The following TDRP variants were observed in gnomAD, a reference collection of about 807,000 sequenced individuals.
TDRP encodes the protein testis development-related protein.
A neutral mutation model predicts 10.5 loss-of-function variants in TDRP; 12 were observed. The observed-to-expected ratio is 1.15, with a 90% CI of 0.73 to 1.86. TDRP has a LOEUF of 1.86. Among genes scored for constraint, TDRP ranks in the 40% most tolerant of loss-of-function variants. TDRP has a pLI of 0.00. For missense variants in TDRP, 353 were observed against 229.2 expected, an observed-to-expected ratio of 1.54 and a Z score of -3.49; for synonymous variants, 139 against 95.4, an observed-to-expected ratio of 1.46 and a Z score of -2.67.
intron 1 of TDRP, among the ~76,000 whole-genome samples, chr8:517,456 G>A (rs920618533): frequency 6.6e-6 from 1 of 152,064 alleles, no homozygotes; most frequent in African/African-American, 2.4e-5. Flanking sequence ...CCTCTACCTG[G>A]AAGCTTCAAG....
At chr8:530,641 C>T (rs536183703) in intron 1 of TDRP, among the ~76,000 whole-genome samples, 2 of 152,106 alleles carry the variant, frequency 1.3e-5, no homozygotes, top group Non-Finnish European at 2.9e-5. Context: ...TGTAATCTCT[C>T]GATCCCTCTG....
chr8:521,965 G>A (rs1016843607), intron 1 of TDRP, among the ~76,000 whole-genome samples: 2 of 151,854 alleles, frequency 1.3e-5, no homozygotes, highest in African/African-American at 4.8e-5. Context: ...TTTTCTTGAT[G>A]CTATTATAAG....
chr8:502,705 T>G (rs968703899), intron 1 of TDRP, among the ~76,000 whole-genome samples: 3 of 150,870 alleles, frequency 2.0e-5, no homozygotes, highest in African/African-American at 7.3e-5. Flanking sequence ...CATGCCCACC[T>G]CAGCACACAT....
intron 1 of TDRP, among the ~76,000 whole-genome samples, chr8:515,337 C>G (rs1801729436): frequency 6.6e-6 from 1 of 152,174 alleles, no homozygotes; most frequent in Admixed American, 6.5e-5. Flanking sequence ...ATACATTATG[C>G]ATGTAAAGTG....
Position 501,403 on chromosome 8 carries a change from G to C in TDRP, c.109-6806C>G, listed in dbSNP as rs562045753. 1.8e-3 allele frequency among the ~76,000 whole-genome samples: 277 copies of C among 151,914 alleles called. 3 individuals are homozygous for C. Among genetic ancestry groups the C allele is most frequent in the Non-Finnish European group, 2.4e-3 (164 of 67,970 alleles). ...TCTCTGTTGCCCAGGCTGGAGTGCAGTGGTGTGATCTTGGCTCACTGCAAC... is the reference window on the plus strand; with the variant it reads ...TCTCTGTTGCCCAGGCTGGAGTGCACTGGTGTGATCTTGGCTCACTGCAAC... On this transcript the variant is annotated intron_variant, in intron 1 of 2. Coordinates refer to ENST00000324079, the MANE Select transcript of TDRP (RefSeq NM_001384899.1).
intron 1 of TDRP, among the ~76,000 whole-genome samples, chr8:542,012 C>A (rs1011202352): frequency 6.6e-6 from 1 of 152,128 alleles, no homozygotes; most frequent in Non-Finnish European, 1.5e-5. Context: ...GTGAAAGCAA[C>A]CAACATGCCC....
At chr8:514,780 G>A (rs1159650631) in intron 1 of TDRP, among the ~76,000 whole-genome samples, 2 of 152,092 alleles carry the variant, frequency 1.3e-5, no homozygotes, top group Non-Finnish European at 2.9e-5. Context: ...CACCCGAGAA[G>A]CAACGGGAAC....
chr8:498,208 C>G (rs929349857), intron 1 of TDRP, among the ~76,000 whole-genome samples: 4 of 152,166 alleles, frequency 2.6e-5, no homozygotes, highest in Non-Finnish European at 5.9e-5. Flanking sequence ...AACCATGCAC[C>G]TGAAAAAGCC....
intron 1 of TDRP, among the ~76,000 whole-genome samples, chr8:533,808 G>A (rs1014368585): frequency 2.0e-5 from 3 of 152,096 alleles, no homozygotes; most frequent in African/African-American, 7.2e-5. Flanking sequence ...GTAGGCAGAT[G>A]TACACCGGTT....
chr8:522,090 G>A (rs752799443), intron 1 of TDRP, among the ~76,000 whole-genome samples: 6 of 152,064 alleles, frequency 3.9e-5, no homozygotes, highest in Admixed American at 1.3e-4. Context: ...ATTTGTTCAT[G>A]AGCTGTAACA....
chr8:504,331 G>C (rs770599200), intron 1 of TDRP, among the ~76,000 whole-genome samples: 1 of 152,200 alleles, frequency 6.6e-6, no homozygotes, highest in South Asian at 2.1e-4. Context: ...CAGACAGCAT[G>C]TTTTGGGTAG....
intron 1 of TDRP, among the ~76,000 whole-genome samples, chr8:501,817 C>T (rs752284875): frequency 2.6e-5 from 4 of 152,232 alleles, no homozygotes; most frequent in Admixed American, 6.5e-5. Flanking sequence ...TTATCAACCA[C>T]AGGGCACTGG....
intron 1 of TDRP, among the ~76,000 whole-genome samples, chr8:517,935 G>A (rs192959412): frequency 7.4e-4 from 112 of 152,276 alleles, no homozygotes; most frequent in African/African-American, 2.5e-3. Context: ...AAAAAGATCC[G>A]TGGTTGCAAA....
intron 1 of TDRP, among the ~76,000 whole-genome samples, chr8:508,985 A>C (rs1801538844): frequency 6.6e-6 from 1 of 152,224 alleles, no homozygotes; most frequent in Non-Finnish European, 1.5e-5. Flanking sequence ...GCAGGTCCAA[A>C]ATCCAGTGAG....
chr8:540,289 C>A (rs1584886616), intron 1 of TDRP, among the ~76,000 whole-genome samples: 1 of 152,100 alleles, frequency 6.6e-6, no homozygotes, highest in African/African-American at 2.4e-5. Flanking sequence ...TTCCAACTAG[C>A]AGTACTGAAA....
At chr8:504,351 T>C (rs1312845087) in intron 1 of TDRP, among the ~76,000 whole-genome samples, 1 of 152,198 alleles carries the variant, frequency 6.6e-6, no homozygotes, top group African/African-American at 2.4e-5. Flanking sequence ...GTGTTTTCTT[T>C]TTCCCTGAGT....
At chr8:519,170 C>T (rs753008522) in intron 1 of TDRP, among the ~76,000 whole-genome samples, 88 of 152,296 alleles carry the variant, frequency 5.8e-4, no homozygotes, top group Non-Finnish European at 1.1e-3. Context: ...AGCTAAATGA[C>T]AGAGTTCTGG....
At chr8:519,495 C>G (rs7014581) in intron 1 of TDRP, among the ~76,000 whole-genome samples, 80,375 of 151,834 alleles carry the variant, frequency 0.53, 22,392 homozygotes, top group Admixed American at 0.63. Context: ...ATTGCGTTAA[C>G]TACATGCAAA....
chr8:491,670 T>C lies in TDRP; in HGVS notation c.*729A>G. The C allele has an allele frequency of 6.6e-7, 1 of 1,515,312 alleles. No individual in the cohort carries two copies. Among genetic ancestry groups the C allele is most frequent in the East Asian group, 2.5e-5 (1 of 40,610 alleles). The allele number at this position is 1,515,312 out of a possible 1,614,324, so 93.9% of individuals were successfully genotyped here. A position where few individuals can be genotyped will look rare whatever the true frequency, so the allele number is the denominator to read the frequency against. ...CTAAAATTGATCCATACTTCTTTAA[T>C]CTGTAAACAAAAAAGAGAGCAAATG... On this transcript the variant is annotated 3_prime_UTR_variant, in exon 3 of 3. Transcript: ENST00000324079.
Sources: gnomAD v4.1 joint callset for allele counts (sites outside exome capture counted in the v4.1 genomes callset) on GRCh38, gnomAD v4.1.1 for gene constraint, MANE v1.5 for transcripts, NCBI Gene and HGNC (gene_info 2026-07-23, HGNC 2026-07-21) for gene names.